Variants in OLIG2 observed in about 807,000 individuals in gnomAD.
OLIG2 encodes basic domain, helix-loop-helix protein, class B, 1.
OLIG2 carries 12 observed loss-of-function variants against 13.4 expected under a neutral mutation model. The ratio of observed to expected loss-of-function variants is 0.90; its 90% CI spans 0.58 to 1.46. The LOEUF is 1.46. Ranked by LOEUF, OLIG2 falls within the 40% of genes most tolerant of loss-of-function variation. The pLI, the probability that OLIG2 is intolerant of heterozygous loss-of-function variation, is 0.00. For missense variants in OLIG2, 415 were observed against 487.9 expected (o/e 0.85, Z 1.41); for synonymous variants, 250 against 233.6 (o/e 1.07, Z -0.64).
In OLIG2 at chr21:33,028,807, A is replaced by T. The variant is rs979360598; in HGVS notation, c.*973A>T. On this transcript the variant is annotated 3_prime_UTR_variant, in exon 2 of 2. Transcript: ENST00000382357. ...TTGGGGGTTCTGTTGGCTTTTTAAAATTTTCTTTTTTGGATGTGTAAATTT... is the reference window on the plus strand; with the variant it reads ...TTGGGGGTTCTGTTGGCTTTTTAAATTTTTCTTTTTTGGATGTGTAAATTT... 24 of 243,310 alleles carry T rather than the reference A, an allele frequency of 9.9e-5. No homozygotes were observed. The highest frequency in any genetic ancestry group is 4.4e-4 in the African/African-American group (20 of 45,038). 15.1% of individuals were successfully genotyped at this position (243,310 alleles called of 1,614,324 possible).
rs1202216156 is a variant in OLIG2 at position 33,027,132 on chromosome 21, T to C, written c.270T>C (p.Ala90=). The change falls in exon 2 of 2, where the codon GCT becomes GCC. Residue 90 remains alanine (A), a synonymous_variant. Coordinates refer to ENST00000382357, the MANE Select transcript of OLIG2 (RefSeq NM_005806.4). Reference sequence around the variant, plus strand: ...CCTCGTCGTCTACGTCGTCGGCGGCTGCGTCGTCCACCAAGAAGGACAAGA... The same window carrying C: ...CCTCGTCGTCTACGTCGTCGGCGGCCGCGTCGTCCACCAAGAAGGACAAGA... ...SSTSSSTSSA[A]ASSTKKDKKQ... is the part of the protein sequence containing the mutation. The C allele has an allele frequency of 6.2e-7, 1 of 1,611,222 alleles. No individual in the cohort carries two copies. The highest frequency in any genetic ancestry group is 8.5e-7 in the Non-Finnish European group (1 of 1,179,156).
Position 33,027,592 on chromosome 21 carries a change from C to G in OLIG2, c.730C>G (p.Pro244Ala). The G allele has an allele frequency of 6.8e-7, 1 of 1,478,406 alleles. No homozygotes were observed. The highest frequency in any genetic ancestry group is 8.9e-7 in the Non-Finnish European group (1 of 1,120,438). 91.6% of individuals were successfully genotyped at this position (1,478,406 alleles called of 1,614,324 possible). The change falls in exon 2 of 2, where the codon CCC becomes GCC. Residue 244 changes from proline (P) to alanine (A), a missense_variant. Physicochemically the swap from Pro to Ala is conservative, Grantham distance 27 (BLOSUM62 -1). Coordinates refer to ENST00000382357, the MANE Select transcript of OLIG2 (RefSeq NM_005806.4). ...AAAAVSSASL[P>A]GSGLPSVGSI... ...CGCGGCTGTGTCCAGCGCCTCTCTG[C>G]CCGGATCCGGGCTGCCGTCGGTCGG...
In OLIG2 at chr21:33,027,555, C is replaced by A. The variant is rs1314667857; in HGVS notation, c.693C>A (p.Ala231=). The change falls in exon 2 of 2, where the codon GCC becomes GCA. Residue 231 remains alanine (A), a synonymous_variant. Coordinates refer to ENST00000382357, the MANE Select transcript of OLIG2 (RefSeq NM_005806.4). ...ILPPAAAAAA[A]AAAAAAVSSA... ...CGCCCGCCGCCGCAGCGGCTGCTGC[C>A]GCCGCTGCAGCCGCGGCTGTGTCCA... The A allele has an allele frequency of 7.5e-6, 11 of 1,475,472 alleles. No individual in the cohort carries two copies. Among genetic ancestry groups the A allele is most frequent in the Middle Eastern group, 4.7e-4 (2 of 4,266 alleles). The allele number at this position is 1,475,472 out of a possible 1,614,324, so 91.4% of individuals were successfully genotyped here.
Position 33,026,745 on chromosome 21 carries a change from TCTCTCTCC to T in OLIG2, c.-62-48_-62-41del. 1.5e-6 allele frequency: 2 copies of T among 1,299,388 alleles called. No homozygotes were observed. Among genetic ancestry groups the T allele is most frequent in the Non-Finnish European group, 2.1e-6 (2 of 960,398 alleles). 80.5% of individuals were successfully genotyped at this position (1,299,388 alleles called of 1,614,324 possible). On this transcript the variant is annotated intron_variant, in intron 1 of 1. Coordinates refer to ENST00000382357, the MANE Select transcript of OLIG2 (RefSeq NM_005806.4). The surrounding 1 kb of genome is among the most constrained non-coding windows in gnomAD (Gnocchi z 6.6). ...CTGTCTCTCACTGACTCACTCTCTC[TCTCTCTCC>T]CTCTCTCTCTCTCTCATTCTCTCTC...
In OLIG2 at chr21:33,027,194, T is replaced by G. The variant is rs775931016; in HGVS notation, c.332T>G (p.Leu111Arg). 12 of 1,610,778 alleles carry G rather than the reference T, an allele frequency of 7.4e-6. No homozygotes were observed. In the Admixed American group the frequency reaches 2.0e-4, roughly 27 times the overall value. ...MTEPELQQLRLKINSRERKRM... is the reference protein window; with the variant it reads ...MTEPELQQLRRKINSRERKRM... ...GAGCCGGAGCTGCAGCAGCTGCGTC[T>G]CAAGATCAACAGCCGCGAGCGCAAG... Residue 111 changes from leucine to arginine, a missense_variant, in exon 2 of 2, where the codon CTC becomes CGC. Leu to Arg is a moderately radical substitution (Grantham distance 102, BLOSUM62 -2). Coordinates refer to ENST00000382357, the MANE Select transcript of OLIG2 (RefSeq NM_005806.4).
In OLIG2 at chr21:33,026,994, G is replaced by A; in HGVS notation, c.132G>A (p.Pro44=). Residue 44 remains proline (P), a synonymous_variant, in exon 2 of 2, where the codon CCG becomes CCA. Transcript: ENST00000382357. This position sits in a 1 kb window ranked among gnomAD's most constrained non-coding sequence, Gnocchi z 6.6. The stretch of plus-strand genomic sequence containing the variant: ...GGGGCACCGTGTCCTCGTCCACCCC[G>A]AGTGACTGCCCGCCGGAGCTGAGCG... The part of the protein sequence containing the change: ...FTGGTVSSST[P]SDCPPELSAE... 1.2e-6 allele frequency: 2 copies of A among 1,612,308 alleles called. No homozygotes were observed. Among genetic ancestry groups the A allele is most frequent in the Non-Finnish European group, 8.5e-7 (1 of 1,179,506 alleles).
In OLIG2 at chr21:33,026,768, CAT is replaced by C; in HGVS notation, c.-62-32_-62-31del. The C allele has an allele frequency of 2.1e-6, 3 of 1,437,896 alleles. No individual in the cohort carries two copies. Among genetic ancestry groups the C allele is most frequent in the East Asian group, 2.4e-5 (1 of 42,294 alleles). The allele number at this position is 1,437,896 out of a possible 1,614,324, so 89.1% of individuals were successfully genotyped here. ...TCTCTCTCTCCCTCTCTCTCTCTCT[CAT>C]TCTCTCTCTTTTCTCCTCCTCTCCT... On this transcript the variant is annotated intron_variant, in intron 1 of 1. Coordinates refer to ENST00000382357, the MANE Select transcript of OLIG2 (RefSeq NM_005806.4). This position sits in a 1 kb window ranked among gnomAD's most constrained non-coding sequence, Gnocchi z 6.6.
In OLIG2 at chr21:33,028,235, CG is replaced by C. The variant is rs997790265; in HGVS notation, c.*409del. The C allele has an allele frequency of 1.5e-4, 36 of 235,078 alleles. No individual in the cohort carries two copies. Among genetic ancestry groups the C allele is most frequent in the South Asian group, 5.6e-4 (3 of 5,350 alleles). The allele number at this position is 235,078 out of a possible 1,614,324, so 14.6% of individuals were successfully genotyped here. A position where few individuals can be genotyped will look rare whatever the true frequency, so the allele number is the denominator to read the frequency against. On this transcript the variant is annotated 3_prime_UTR_variant, in exon 2 of 2. Coordinates refer to ENST00000382357, the MANE Select transcript of OLIG2 (RefSeq NM_005806.4). The stretch of plus-strand genomic sequence containing the variant: ...TGCAGACTCGGCTTGGGCAGCACTT[CG>C]GGGGGGGAGGGGGTGTTATGGGAGG...
At position 33,027,786 on chromosome 21, in the gene OLIG2, G is replaced by T. The variant is rs1293244820; in HGVS notation, c.924G>T (p.Ser308=). The part of the protein sequence containing the change: ...CQVPPPHHHV[S]AMGAGSLPRL... ...TGCCGCCGCCGCACCACCACGTGTCGGCTATGGGCGCCGGCAGCCTGCCGC... is the reference window on the plus strand; with the variant it reads ...TGCCGCCGCCGCACCACCACGTGTCTGCTATGGGCGCCGGCAGCCTGCCGC... Residue 308 remains serine, a synonymous_variant, in exon 2 of 2, where the codon TCG becomes TCT. Transcript: ENST00000382357. The T allele has an allele frequency of 7.0e-7, 1 of 1,425,812 alleles. No individual in the cohort carries two copies. The highest frequency in any genetic ancestry group is 1.4e-5 in the South Asian group (1 of 70,696). The allele number at this position is 1,425,812 out of a possible 1,614,324, so 88.3% of individuals were successfully genotyped here.
rs1204680469 is a variant in OLIG2, at chr21:33,027,680, G to T, written c.818G>T (p.Gly273Val). The T allele has an allele frequency of 7.3e-7, 1 of 1,372,558 alleles. No individual in the cohort carries two copies. 85.0% of individuals were successfully genotyped at this position (1,372,558 alleles called of 1,614,324 possible). Reference sequence around the variant, plus strand: ...TCTGCTGCCGCGGCCGCCCCGCTGGGGGGCGGGGGCGGCGGCAGTGGGGCG... The same window carrying T: ...TCTGCTGCCGCGGCCGCCCCGCTGGTGGGCGGGGGCGGCGGCAGTGGGGCG... ...SPSAAAAAPL[G>V]GGGGGSGASG... Residue 273 changes from glycine (G) to valine (V), a missense_variant, in exon 2 of 2, where the codon GGG becomes GTG. By Grantham distance (109) the Gly-to-Val change is moderately radical. This residue lies in a region of OLIG2 where 243 missense variants were observed against 241.2 expected (regional missense o/e 1.01). Transcript: ENST00000382357.
At position 33,028,088 on chromosome 21, in the gene OLIG2, T is replaced by G; in HGVS notation, c.*254T>G. On this transcript the variant is annotated 3_prime_UTR_variant, in exon 2 of 2. Transcript: ENST00000382357. ...CTGGCTTTAACCTGAGCTGGTCCAG[T>G]AGACATCGTTTTATGAAAAGGTACC... 1 of 406,064 alleles carries G rather than the reference T, an allele frequency of 2.5e-6. No homozygotes were observed. The highest frequency in any genetic ancestry group is 4.5e-6 in the Non-Finnish European group (1 of 221,648). 25.2% of individuals were successfully genotyped at this position (406,064 alleles called of 1,614,324 possible). A position where few individuals can be genotyped will look rare whatever the true frequency, so the allele number is the denominator to read the frequency against.
Position 33,027,210 on chromosome 21 carries a change from C to T in OLIG2, c.348C>T (p.Arg116=), listed in dbSNP as rs919899038. The change falls in exon 2 of 2, where the codon CGC becomes CGT. Residue 116 remains arginine, a synonymous_variant. Transcript: ENST00000382357. ...LQQLRLKINS[R]ERKRMHDLNI... is the part of the protein sequence containing the mutation. ...AGCTGCGTCTCAAGATCAACAGCCGCGAGCGCAAGCGCATGCACGACCTCA... is the reference window on the plus strand; with the variant it reads ...AGCTGCGTCTCAAGATCAACAGCCGTGAGCGCAAGCGCATGCACGACCTCA... 2 of 1,610,932 alleles carry T rather than the reference C, an allele frequency of 1.2e-6. No homozygotes were observed. Among genetic ancestry groups the T allele is most frequent in the Admixed American group, 1.7e-5 (1 of 59,730 alleles).
Position 33,026,914 on chromosome 21 carries a change from G to C in OLIG2, c.52G>C (p.Asp18His). The C allele has an allele frequency of 6.2e-7, 1 of 1,611,960 alleles. No homozygotes were observed. The highest frequency in any genetic ancestry group is 8.5e-7 in the Non-Finnish European group (1 of 1,179,994). The change falls in exon 2 of 2, where the codon GAT becomes CAT. Residue 18 changes from aspartate to histidine, a missense_variant. Physicochemically the swap from Asp to His is moderately conservative, Grantham distance 81 (BLOSUM62 -1). Around this residue, in one of 3 missense-constraint regions of OLIG2, gnomAD observed 122 missense variants for 126.8 expected, o/e 0.96. Transcript: ENST00000382357. This position sits in a 1 kb window ranked among gnomAD's most constrained non-coding sequence, Gnocchi z 6.6. ...CAGCCGCCCGTCGTCGCCAGAGCCCGATGACCTTTTTCTGCCGGCCCGGAG... is the reference window on the plus strand; with the variant it reads ...CAGCCGCCCGTCGTCGCCAGAGCCCCATGACCTTTTTCTGCCGGCCCGGAG... ...VSSRPSSPEPDDLFLPARSKG... is the reference protein window; with the variant it reads ...VSSRPSSPEPHDLFLPARSKG...
rs1244139880 is a variant in OLIG2, at chr21:33,027,060, T to C, written c.198T>C (p.Pro66=). Residue 66 remains proline, a synonymous_variant, in exon 2 of 2, where the codon CCT becomes CCC. Transcript: ENST00000382357. ...CTATGGGCTCTGCGGGCGCGCATCC[T>C]GGGGACAAGCTAGGAGGCAGTGGCT... ...RGAMGSAGAH[P]GDKLGGSGFK... 1.9e-6 allele frequency: 3 copies of C among 1,611,694 alleles called. No individual in the cohort carries two copies. Among genetic ancestry groups the C allele is most frequent in the South Asian group, 1.1e-5 (1 of 90,766 alleles).
chr21:33,027,129 G>C lies in OLIG2; in HGVS notation c.267G>C (p.Ala89=), dbSNP rs562023180. 5 of 1,611,368 alleles carry C rather than the reference G, an allele frequency of 3.1e-6. No individual in the cohort carries two copies. The Admixed American group carries it at 6.7e-5, about 22-fold the overall frequency. ...SSSTSSSTSS[A]AASSTKKDKK... ...GCACCTCGTCGTCTACGTCGTCGGC[G>C]GCTGCGTCGTCCACCAAGAAGGACA... The change falls in exon 2 of 2, where the codon GCG becomes GCC. Residue 89 remains alanine (A), a synonymous_variant. Coordinates refer to ENST00000382357, the MANE Select transcript of OLIG2 (RefSeq NM_005806.4).
chr21:33,026,686 C>A lies in OLIG2; in HGVS notation c.-62-115C>A. On this transcript the variant is annotated intron_variant, in intron 1 of 1. Coordinates refer to ENST00000382357, the MANE Select transcript of OLIG2 (RefSeq NM_005806.4). This position sits in a 1 kb window ranked among gnomAD's most constrained non-coding sequence, Gnocchi z 6.6. The stretch of plus-strand genomic sequence containing the variant: ...GGGCCACCTGTGCCGGGACCCCGCG[C>A]TGTGGTACTGCGGTGCAGGCGGGAG... 1 of 769,584 alleles carries A rather than the reference C, an allele frequency of 1.3e-6. No homozygotes were observed. Among genetic ancestry groups the A allele is most frequent in the South Asian group, 1.9e-5 (1 of 53,968 alleles). The allele number at this position is 769,584 out of a possible 1,614,324, so 47.7% of individuals were successfully genotyped here. A position where few individuals can be genotyped will look rare whatever the true frequency, so the allele number is the denominator to read the frequency against.
chr21:33,027,168 A>T lies in OLIG2; in HGVS notation c.306A>T (p.Thr102=), dbSNP rs1392149924. The T allele has an allele frequency of 1.9e-6, 3 of 1,611,176 alleles. No homozygotes were observed. The highest frequency in any genetic ancestry group is 2.5e-6 in the Non-Finnish European group (3 of 1,179,196). The stretch of plus-strand genomic sequence containing the variant: ...CCAAGAAGGACAAGAAGCAAATGAC[A>T]GAGCCGGAGCTGCAGCAGCTGCGTC... ...SSTKKDKKQM[T]EPELQQLRLK... Residue 102 remains threonine, a synonymous_variant, in exon 2 of 2, where the codon ACA becomes ACT. Coordinates refer to ENST00000382357, the MANE Select transcript of OLIG2 (RefSeq NM_005806.4).
In OLIG2 at chr21:33,026,582, T is replaced by C. The variant is rs907383581; in HGVS notation, c.-62-219T>C. ...CTGTTGCATGAGAGCAGAGGGGAGA[T>C]AGAGAGAGCTTAATTATAGGTACCC... On this transcript the variant is annotated intron_variant, in intron 1 of 1. Coordinates refer to ENST00000382357, the MANE Select transcript of OLIG2 (RefSeq NM_005806.4). The surrounding 1 kb of genome is among the most constrained non-coding windows in gnomAD (Gnocchi z 6.6). 12 of 508,212 alleles carry C rather than the reference T, an allele frequency of 2.4e-5. No homozygotes were observed. Among genetic ancestry groups the C allele is most frequent in the Non-Finnish European group, 4.2e-5 (12 of 283,232 alleles). The allele number at this position is 508,212 out of a possible 1,614,324, so 31.5% of individuals were successfully genotyped here. A position where few individuals can be genotyped will look rare whatever the true frequency, so the allele number is the denominator to read the frequency against.
rs1981087895 is a variant in OLIG2 at position 33,026,747 on chromosome 21, TCTCTCC to T, written c.-62-48_-62-43del. Reference sequence around the variant, plus strand: ...GTCTCTCACTGACTCACTCTCTCTCTCTCTCCCTCTCTCTCTCTCTCATTCTCTCTC... The same window carrying T: ...GTCTCTCACTGACTCACTCTCTCTCTCTCTCTCTCTCTCTCATTCTCTCTC... On this transcript the variant is annotated intron_variant, in intron 1 of 1. Transcript: ENST00000382357. The surrounding 1 kb of genome is among the most constrained non-coding windows in gnomAD (Gnocchi z 6.6). 3 of 1,314,672 alleles carry T rather than the reference TCTCTCC, an allele frequency of 2.3e-6. No individual in the cohort carries two copies. Among genetic ancestry groups the T allele is most frequent in the Non-Finnish European group, 3.1e-6 (3 of 972,536 alleles). 81.4% of individuals were successfully genotyped at this position (1,314,672 alleles called of 1,614,324 possible).
Sources: allele counts gnomAD v4.1 joint callset, GRCh38; gene constraint gnomAD v4.1.1; regional missense constraint gnomAD v4.1.1; non-coding constraint Gnocchi (gnomAD v3.1); transcripts MANE v1.5; gene names NCBI Gene and HGNC (gene_info 2026-07-23, HGNC 2026-07-21).